Variants in DDX46 observed in about 807,000 individuals in gnomAD.
The protein encoded by DDX46 is DEAD-box helicase 46.
DDX46 carries 30 observed loss-of-function variants against 134.9 expected under a neutral mutation model. The observed-to-expected ratio is 0.22, with a 90% CI of 0.17 to 0.30. DDX46 has a LOEUF of 0.30. Ranked by LOEUF, DDX46 falls within the 10% of genes least tolerant of loss-of-function variation. The pLI, the probability that DDX46 is intolerant of heterozygous loss-of-function variation, is 1.00. For missense variants in DDX46, 622 were observed against 1,248.7 expected (o/e 0.50, Z 7.56); for synonymous variants, 415 against 404.1 (o/e 1.03, Z -0.32).
At chr5:134,805,086 G>A (rs1432039992) in intron 15 of DDX46, 1 of 291,406 alleles carries the variant, frequency 3.4e-6, no homozygotes, top group Non-Finnish European at 7.0e-6. Flanking sequence ...GTTAAAGGCT[G>A]TATTGTAGAA....
intron 11 of DDX46, among the ~76,000 whole-genome samples, chr5:134,786,399 A>G (rs748658697): frequency 3.9e-5 from 6 of 152,038 alleles, no homozygotes; most frequent in Non-Finnish European, 8.8e-5. Flanking sequence ...CTGCCTGAGA[A>G]AGCAGATTTT....
chr5:134,759,032 C>A, intron 1 of DDX46, 77 bp downstream of exon 1: 1 of 1,584,778 alleles, frequency 6.3e-7, no homozygotes, highest in Non-Finnish European at 8.5e-7. Context: ...TTGAGGTGGC[C>A]GCCGGGCCAG....
chr5:134,774,877 G>T (rs1215798330), intron 5 of DDX46, among the ~76,000 whole-genome samples: 1 of 151,660 alleles, frequency 6.6e-6, no homozygotes, highest in Non-Finnish European at 1.5e-5. Context: ...TTTTGACAGA[G>T]TCTTGCTCTG....
intron 4 of DDX46, among the ~76,000 whole-genome samples, chr5:134,773,118 A>G (rs911529815): frequency 1.3e-5 from 2 of 151,606 alleles, no homozygotes; most frequent in African/African-American, 2.4e-5. Context: ...GTATTTTTTT[A>G]ATAACACAGA....
At chr5:134,802,254 TC>T in intron 15 of DDX46, among the ~76,000 whole-genome samples, 1 of 140,980 alleles carries the variant, frequency 7.1e-6, no homozygotes, top group East Asian at 2.3e-4. Flanking sequence ...AACCTCCGCC[TC>T]CCAGGTTCAA....
chr5:134,782,408 A>G (rs777723597), intron 8 of DDX46, among the ~76,000 whole-genome samples: 10 of 152,064 alleles, frequency 6.6e-5, no homozygotes, highest in African/African-American at 9.7e-5. Flanking sequence ...TTGGGAGGCC[A>G]AGGCGGGCAG....
In DDX46 at chr5:134,766,929, TAGAGAG is replaced by T; in HGVS notation, c.225_230del (p.Glu75_Arg76del). ...GTCCCCCTTTCAGACGTTCCAGAAGTAGAGAGAGAGACAGAAGCCGAGAGCGAAGAA... is the reference window on the plus strand; with the variant it reads ...GTCCCCCTTTCAGACGTTCCAGAAGTAGAGACAGAAGCCGAGAGCGAAGAA... On this transcript the variant is annotated inframe_deletion, in exon 3 of 23. Coordinates refer to ENST00000452510, the MANE Select transcript of DDX46 (RefSeq NM_001300860.2). The T allele has an allele frequency of 6.2e-7, 1 of 1,612,410 alleles. No homozygotes were observed. The highest frequency in any genetic ancestry group is 8.5e-7 in the Non-Finnish European group (1 of 1,179,446).
At chr5:134,786,377 C>T (rs781724513) in intron 11 of DDX46, among the ~76,000 whole-genome samples, 1 of 152,110 alleles carries the variant, frequency 6.6e-6, no homozygotes, top group African/African-American at 2.4e-5. Context: ...ATTATCCCTC[C>T]TCCCTCTTCC....
chr5:134,797,533 C>A (rs149623637), intron 15 of DDX46, among the ~76,000 whole-genome samples: 2 of 152,152 alleles, frequency 1.3e-5, no homozygotes, highest in African/African-American at 4.8e-5. Flanking sequence ...GAGGAAAGAA[C>A]AAGAAGCTGC....
chr5:134,822,909 T>G (rs982400216), intron 21 of DDX46, among the ~76,000 whole-genome samples: 1 of 152,140 alleles, frequency 6.6e-6, no homozygotes, highest in South Asian at 2.1e-4. Flanking sequence ...TTCTGTATTC[T>G]TCAACATAGA....
intron 7 of DDX46, among the ~76,000 whole-genome samples, chr5:134,781,694 C>G (rs1294833558): frequency 6.6e-6 from 1 of 152,032 alleles, no homozygotes; most frequent in Non-Finnish European, 1.5e-5. Context: ...CTGCTTGATA[C>G]GTTTCTAATT....
chr5:134,765,487 A>G (rs1237053842), intron 2 of DDX46, among the ~76,000 whole-genome samples: 2 of 150,186 alleles, frequency 1.3e-5, no homozygotes, highest in African/African-American at 2.5e-5. Context: ...TGGGAGGTGG[A>G]GGTTGTAGTG....
chr5:134,802,706 G>A (rs2150152415), intron 15 of DDX46, among the ~76,000 whole-genome samples: 1 of 152,038 alleles, frequency 6.6e-6, no homozygotes, highest in Admixed American at 6.6e-5. Flanking sequence ...TGAAATCTTT[G>A]TTAATTTTAA....
intron 5 of DDX46, among the ~76,000 whole-genome samples, chr5:134,774,925 C>T (rs1481496122): frequency 6.6e-6 from 1 of 152,076 alleles, no homozygotes; most frequent in African/African-American, 2.4e-5. Context: ...CTCCCAGGTT[C>T]AAGCTATTCT....
chr5:134,813,476 T>G (rs1755204480), intron 18 of DDX46, among the ~76,000 whole-genome samples: 1 of 152,206 alleles, frequency 6.6e-6, no homozygotes, highest in African/African-American at 2.4e-5. Flanking sequence ...GCCTCAGTTC[T>G]TCACCTCTTT....
chr5:134,776,664 C>T (rs983366938), intron 5 of DDX46, among the ~76,000 whole-genome samples: 1 of 152,120 alleles, frequency 6.6e-6, no homozygotes, highest in African/African-American at 2.4e-5. Context: ...CGCCTGTAAT[C>T]CCAACACTTT....
At position 134,781,253 on chromosome 5, in the gene DDX46, T is replaced by C. The variant is rs771935051; in HGVS notation, c.879+7T>C. On this transcript the variant is annotated splice_region_variant and intron_variant, in intron 7 of 22. Coordinates refer to ENST00000452510, the MANE Select transcript of DDX46 (RefSeq NM_001300860.2). ...TGACCAGGATGCCATGGAGGTGATT[T>C]TTCTTAATTTTGACTTTGTTTATGA... is the stretch of plus-strand genomic sequence containing the variant. 7.2e-5 allele frequency: 115 copies of C among 1,596,734 alleles called. No individual in the cohort carries two copies. The highest frequency in any genetic ancestry group is 9.7e-5 in the Non-Finnish European group (114 of 1,172,608).
chr5:134,827,747 T>C (rs1755628933), intron 22 of DDX46, among the ~76,000 whole-genome samples: 1 of 152,216 alleles, frequency 6.6e-6, no homozygotes, highest in South Asian at 2.1e-4. Flanking sequence ...ATAATATTTA[T>C]ATGATTATAC....
chr5:134,793,534 A>G (rs1754568331), intron 13 of DDX46, among the ~76,000 whole-genome samples: 1 of 152,024 alleles, frequency 6.6e-6, no homozygotes, highest in African/African-American at 2.4e-5. Flanking sequence ...CCTCCTGAGT[A>G]GCTGGTATTA....
Sources: gnomAD v4.1 joint callset for allele counts (sites outside exome capture counted in the v4.1 genomes callset) on GRCh38, gnomAD v4.1.1 for gene constraint, MANE v1.5 for transcripts, NCBI Gene and HGNC (gene_info 2026-07-23, HGNC 2026-07-21) for gene names.